MUC7: variants seen among roughly 807,000 people sequenced by gnomAD.
The protein encoded by MUC7 is mucin-7.
In MUC7, 2 loss-of-function variants were observed where a neutral mutation model predicts 2.5. The ratio of observed to expected loss-of-function variants is 0.81; its 90% CI spans 0.33 to 2.55. MUC7 has a LOEUF of 2.55. Ranked by LOEUF, MUC7 falls within the 30% of genes most tolerant of loss-of-function variation. The probability of loss-of-function intolerance (pLI) is 0.11; values close to 1 mark genes in which losing one functional copy is unlikely to be tolerated. For missense variants in MUC7, 408 were observed against 455.6 expected (o/e 0.90, Z 0.95); for synonymous variants, 133 against 173.4 (o/e 0.77, Z 1.83).
chr4:70,439,266 G>T (rs1055107472), intron 1 of MUC7, among the ~76,000 whole-genome samples: 15 of 152,192 alleles, frequency 9.9e-5, no homozygotes, highest in Non-Finnish European at 5.9e-5. Flanking sequence ...AAGAAGCTTA[G>T]CAGGTCAGAA....
intron 1 of MUC7, among the ~76,000 whole-genome samples, chr4:70,448,214 T>C (rs1393275199): frequency 6.6e-6 from 1 of 152,212 alleles, no homozygotes; most frequent in Non-Finnish European, 1.5e-5. Flanking sequence ...TGATTCCAAA[T>C]TTTGGCTATT....
rs1735189445 is a variant in MUC7 at position 70,481,547 on chromosome 4, C to T, written c.803C>T (p.Thr268Ile). Residue 268 changes from threonine (T) to isoleucine (I), a missense_variant, in exon 3 of 3, where the codon ACC becomes ATC. Physicochemically the swap from Thr to Ile is moderately conservative, Grantham distance 89 (BLOSUM62 -1). This residue lies in a region of MUC7 where 175 missense variants were observed against 187.1 expected (regional missense o/e 0.94). Coordinates refer to ENST00000304887, the MANE Select transcript of MUC7 (RefSeq NM_152291.3). Reference protein sequence around the residue: ...TAVPPTPSATTLDPSSASAPP... With the variant: ...TAVPPTPSATILDPSSASAPP... The stretch of plus-strand genomic sequence containing the variant: ...GTCCCACCCACACCTTCTGCAACTA[C>T]CCTAGACCCATCATCCGCCTCAGCT... 6.2e-7 allele frequency: 1 copy of T among 1,611,386 alleles called. No individual in the cohort carries two copies. Among genetic ancestry groups the T allele is most frequent in the Non-Finnish European group, 8.5e-7 (1 of 1,179,616 alleles).
At chr4:70,462,637 G>C (rs547108443) in intron 1 of MUC7, among the ~76,000 whole-genome samples, 2 of 152,252 alleles carry the variant, frequency 1.3e-5, no homozygotes, top group East Asian at 3.9e-4. Flanking sequence ...TGCATATATA[G>C]ACATAAATTA....
chr4:70,453,227 C>G (rs1734323851), intron 1 of MUC7, among the ~76,000 whole-genome samples: 1 of 152,186 alleles, frequency 6.6e-6, no homozygotes, highest in East Asian at 1.9e-4. Flanking sequence ...AGCCAGTTCC[C>G]TCAGGCCCCA....
intron 1 of MUC7, among the ~76,000 whole-genome samples, chr4:70,446,514 T>C (rs1422544952): frequency 6.6e-6 from 1 of 152,214 alleles, no homozygotes; most frequent in African/African-American, 2.4e-5. Context: ...CATTTTCCTG[T>C]ATCTTCCTTC....
intron 2 of MUC7, among the ~76,000 whole-genome samples, chr4:70,478,760 G>A (rs1224051444): frequency 1.3e-5 from 2 of 152,150 alleles, no homozygotes; most frequent in Non-Finnish European, 2.9e-5. Flanking sequence ...TCAATCTCCA[G>A]GGAAAGATCT....
intron 2 of MUC7, among the ~76,000 whole-genome samples, chr4:70,475,970 T>C (rs1226733675): frequency 4.6e-5 from 7 of 152,184 alleles, no homozygotes; most frequent in African/African-American, 1.7e-4. Context: ...AGAAGAGTGT[T>C]CAAGCTGGGC....
At chr4:70,472,889 C>G (rs1560556910) in intron 1 of MUC7, among the ~76,000 whole-genome samples, 1 of 152,174 alleles carries the variant, frequency 6.6e-6, no homozygotes, top group Non-Finnish European at 1.5e-5. Context: ...TGTAATCTGT[C>G]TATATGATTT....
At chr4:70,473,950 G>T (rs371830991) in intron 1 of MUC7, 57 bp from the exon 2 acceptor site, 2 of 1,221,410 alleles carry the variant, frequency 1.6e-6, no homozygotes, top group African/African-American at 1.5e-5. Context: ...TTACCAAAAC[G>T]CATTCCTCTC....
chr4:70,480,853 C>T lies in MUC7; in HGVS notation c.109C>T (p.Gln37Ter). 1 of 1,614,064 alleles carries T rather than the reference C, an allele frequency of 6.2e-7. No homozygotes were observed. The highest frequency in any genetic ancestry group is 1.7e-4 in the Middle Eastern group (1 of 6,058). ...HELRHRRHHH[Q>*]SPKSHFELPH... ...ACTACGTCACAGAAGGCATCATCAC[C>T]AATCACCCAAATCTCACTTTGAATT... Residue 37 changes from glutamine to a stop codon, truncating the protein, a stop_gained, in exon 3 of 3, where the codon CAA becomes TAA. Coordinates refer to ENST00000304887, the MANE Select transcript of MUC7 (RefSeq NM_152291.3). LOFTEE classifies it low-confidence loss of function (END_TRUNC).
intron 2 of MUC7, among the ~76,000 whole-genome samples, chr4:70,476,913 T>G (rs902549828): frequency 2.0e-5 from 3 of 152,254 alleles, no homozygotes; most frequent in Non-Finnish European, 4.4e-5. Flanking sequence ...AGGGAGCAGA[T>G]AGTCTGGCTT....
intron 1 of MUC7, among the ~76,000 whole-genome samples, chr4:70,439,177 C>A (rs138976230): frequency 6.6e-6 from 1 of 151,942 alleles, no homozygotes; most frequent in Admixed American, 6.6e-5. Context: ...GTCATTTAAG[C>A]TGAATAAAAA....
At chr4:70,477,120 T>C (rs1033981618) in intron 2 of MUC7, among the ~76,000 whole-genome samples, 29 of 152,162 alleles carry the variant, frequency 1.9e-4, no homozygotes, top group Non-Finnish European at 3.7e-4. Context: ...CAATTAAATG[T>C]AATCTTGGGC....
rs996805962 is a variant in MUC7 at position 70,480,850 on chromosome 4, C to G, written c.106C>G (p.His36Asp). The G allele has an allele frequency of 1.9e-6, 3 of 1,613,978 alleles. No homozygotes were observed. In the African/African-American group the frequency reaches 4.0e-5, roughly 22 times the overall value. Residue 36 changes from histidine (H) to aspartate (D), a missense_variant, in exon 3 of 3, where the codon CAC becomes GAC. His to Asp is a moderately conservative substitution (Grantham distance 81, BLOSUM62 -1). Coordinates refer to ENST00000304887, the MANE Select transcript of MUC7 (RefSeq NM_152291.3). The part of the protein sequence containing the change: ...DHELRHRRHH[H>D]QSPKSHFELP... Reference sequence around the variant, plus strand: ...TGAACTACGTCACAGAAGGCATCATCACCAATCACCCAAATCTCACTTTGA... The same window carrying G: ...TGAACTACGTCACAGAAGGCATCATGACCAATCACCCAAATCTCACTTTGA...
At chr4:70,455,696 A>G (rs545599134) in intron 1 of MUC7, among the ~76,000 whole-genome samples, 2 of 152,306 alleles carry the variant, frequency 1.3e-5, no homozygotes, top group East Asian at 3.9e-4. Context: ...TTGCTGAGAA[A>G]AATCAGGATG....
intron 2 of MUC7, among the ~76,000 whole-genome samples, chr4:70,474,772 G>T (rs974285151): frequency 3.9e-5 from 6 of 152,062 alleles, no homozygotes; most frequent in Non-Finnish European, 7.4e-5. Flanking sequence ...ACTCCCAGGG[G>T]ATTTACATGA....
chr4:70,477,504 T>C (rs1413435083), intron 2 of MUC7, among the ~76,000 whole-genome samples: 1 of 152,190 alleles, frequency 6.6e-6, no homozygotes, highest in African/African-American at 2.4e-5. Context: ...CCTCAGAGAA[T>C]TTGGCATTCC....
At chr4:70,439,561 A>G (rs1197924570) in intron 1 of MUC7, among the ~76,000 whole-genome samples, 1 of 152,200 alleles carries the variant, frequency 6.6e-6, no homozygotes, top group East Asian at 1.9e-4. Context: ...ATTTCTAAAT[A>G]AAAGTACACA....
chr4:70,435,623 T>C (rs988081411), intron 1 of MUC7, among the ~76,000 whole-genome samples: 5 of 152,234 alleles, frequency 3.3e-5, no homozygotes, highest in Admixed American at 6.5e-5. Context: ...GTCTCCTGAA[T>C]ACAGCACACT....
Sources: allele counts gnomAD v4.1 joint callset (sites outside exome capture counted in the v4.1 genomes callset), GRCh38; gene constraint gnomAD v4.1.1; regional missense constraint gnomAD v4.1.1; transcripts MANE v1.5; gene names NCBI Gene and HGNC (gene_info 2026-07-23, HGNC 2026-07-21).